The following GGT7 variants were observed in gnomAD, a reference collection of about 807,000 sequenced individuals.
GGT7 encodes glutathione hydrolase 7.
A neutral mutation model predicts 69.2 loss-of-function variants in GGT7; 30 were observed. That is an observed-to-expected ratio of 0.43 (90% CI 0.32 to 0.59). The LOEUF is 0.59. Ranked by LOEUF, GGT7 falls within the 20% of genes least tolerant of loss-of-function variation. The pLI, the probability that GGT7 is intolerant of heterozygous loss-of-function variation, is 0.05. For synonymous variants in GGT7, 388 were observed against 391.8 expected (o/e 0.99, Z 0.12); for missense variants, 733 against 901.1 (o/e 0.81, Z 2.39).
intron 3 of GGT7, among the ~76,000 whole-genome samples, chr20:34,862,583 T>C (rs1457604221): frequency 7.9e-6 from 1 of 126,868 alleles, no homozygotes; most frequent in Non-Finnish European, 1.7e-5. Context: ...TTTTTCTAGT[T>C]AAAAAAAAAA....
intron 1 of GGT7, among the ~76,000 whole-genome samples, chr20:34,866,776 T>C (rs1194888391): frequency 6.6e-6 from 1 of 152,172 alleles, no homozygotes; most frequent in Non-Finnish European, 1.5e-5. Flanking sequence ...AGGCAGGGTC[T>C]CACCATGTTG....
At chr20:34,864,286 T>A (rs1362550801) in intron 1 of GGT7, among the ~76,000 whole-genome samples, 1 of 151,736 alleles carries the variant, frequency 6.6e-6, no homozygotes, top group South Asian at 2.1e-4. Context: ...AGTATGTGTG[T>A]GGAATGTTCT....
chr20:34,866,282 T>C (rs2079688926), intron 1 of GGT7, among the ~76,000 whole-genome samples: 1 of 152,218 alleles, frequency 6.6e-6, no homozygotes, highest in Non-Finnish European at 1.5e-5. Flanking sequence ...CTATTTCCTT[T>C]TTAGAAATCA....
chr20:34,852,003 C>T (rs2079401853), intron 12 of GGT7, 152 bp downstream of exon 12: 2 of 648,890 alleles, frequency 3.1e-6, no homozygotes, highest in East Asian at 2.7e-5. Context: ...ATGTCCCAGA[C>T]TTAGCAGGGC....
intron 14 of GGT7, among the ~76,000 whole-genome samples, chr20:34,846,098 AAGGG>A (rs1275447461): frequency 1.3e-5 from 2 of 149,184 alleles, no homozygotes; most frequent in South Asian, 2.2e-4. Context: ...GGAAGGAAGG[AAGGG>A]AGGGAGGGAG....
chr20:34,872,823 C>A lies in GGT7; in HGVS notation c.-8G>T, dbSNP rs754902278. On this transcript the variant is annotated 5_prime_UTR_variant, in exon 1 of 15. Coordinates refer to ENST00000336431, the MANE Select transcript of GGT7 (RefSeq NM_178026.3). ...CTCGTTCTCCGCCGCCATCCTCGCC[C>A]GCGCCCCCCAGCAGCGCAGCGCCTG... 35 of 1,339,036 alleles carry A rather than the reference C, an allele frequency of 2.6e-5. 1 individual carries two copies. In the South Asian group the frequency reaches 5.8e-4, roughly 22 times the overall value. 82.9% of individuals were successfully genotyped at this position (1,339,036 alleles called of 1,614,324 possible). A position where few individuals can be genotyped will look rare whatever the true frequency, so the allele number is the denominator to read the frequency against.
Position 34,856,843 on chromosome 20 carries a change from G to T in GGT7, c.1065C>A (p.Ser355Arg). Residue 355 changes from serine (S) to arginine (R), a missense_variant, in exon 8 of 15, where the codon AGC becomes AGA. Transcript: ENST00000336431. ...VITEEDFSNY[S>R]ALVEKPVCGV... ...CACACACAGGCTTCTCCACAAGGGC[G>T]CTGTAATTGCTGAAGTCCTCTTCGG... 2 of 1,611,468 alleles carry T rather than the reference G, an allele frequency of 1.2e-6. No individual in the cohort carries two copies. The highest frequency in any genetic ancestry group is 2.2e-5 in the East Asian group (1 of 44,840).
intron 8 of GGT7, among the ~76,000 whole-genome samples, chr20:34,855,455 T>C (rs1308395721): frequency 6.6e-6 from 1 of 152,222 alleles, no homozygotes; most frequent in Admixed American, 6.5e-5. Context: ...CTGTGGCTAC[T>C]GTTATCACAC....
Position 34,845,126 on chromosome 20 carries a change from A to ACCCCCC in GGT7, c.*201_*202insGGGGGG. 1 of 359,886 alleles carries ACCCCCC rather than the reference A, an allele frequency of 2.8e-6. No homozygotes were observed. Among genetic ancestry groups the ACCCCCC allele is most frequent in the Non-Finnish European group, 5.3e-6 (1 of 190,246 alleles). 22.3% of individuals were successfully genotyped at this position (359,886 alleles called of 1,614,324 possible). ...GATGCTGACACTCACCACCACCACCACCACCACCACCACCACCACCACCAC... is the reference window on the plus strand; with the variant it reads ...GATGCTGACACTCACCACCACCACCACCCCCCCCACCACCACCACCACCACCACCAC... On this transcript the variant is annotated 3_prime_UTR_variant, in exon 15 of 15. Transcript: ENST00000336431.
intron 1 of GGT7, among the ~76,000 whole-genome samples, chr20:34,870,476 T>G (rs189513527): frequency 7.2e-5 from 11 of 151,974 alleles, no homozygotes; most frequent in Non-Finnish European, 1.2e-4. Context: ...GAGATGAGGG[T>G]TTTTTTTGTT....
chr20:34,863,626 C>A lies in GGT7; in HGVS notation c.170-78G>T. On this transcript the variant is annotated intron_variant, in intron 1 of 14. Coordinates refer to ENST00000336431, the MANE Select transcript of GGT7 (RefSeq NM_178026.3). This position sits in a 1 kb window ranked among gnomAD's most constrained non-coding sequence, Gnocchi z 4.4. ...ACCCTCCAGGTGGGACTATTCAGCG[C>A]TTTCCCTGCCCCGCCCCTGCCACAC... 3 of 948,448 alleles carry A rather than the reference C, an allele frequency of 3.2e-6. No homozygotes were observed. Among genetic ancestry groups the A allele is most frequent in the South Asian group, 2.8e-5 (2 of 71,662 alleles). 58.8% of individuals were successfully genotyped at this position (948,448 alleles called of 1,614,324 possible). A position where few individuals can be genotyped will look rare whatever the true frequency, so the allele number is the denominator to read the frequency against.
chr20:34,849,531 C>T (rs1441033451), intron 14 of GGT7, among the ~76,000 whole-genome samples: 1 of 151,998 alleles, frequency 6.6e-6, no homozygotes, highest in Non-Finnish European at 1.5e-5. Flanking sequence ...TCATTGAGTC[C>T]GTCCTATTAT....
intron 1 of GGT7, among the ~76,000 whole-genome samples, chr20:34,871,352 T>A (rs1050962036): frequency 7.9e-5 from 12 of 152,088 alleles, no homozygotes; most frequent in Non-Finnish European, 1.5e-4. Context: ...AGGGCTGTAT[T>A]AGGACCAGAA....
At chr20:34,865,802 T>C (rs978846176) in intron 1 of GGT7, among the ~76,000 whole-genome samples, 5 of 152,212 alleles carry the variant, frequency 3.3e-5, no homozygotes, top group Non-Finnish European at 7.3e-5. Flanking sequence ...CTCCTCTGAG[T>C]GTTATTAGCT....
Sources: gnomAD v4.1 joint callset for allele counts (sites outside exome capture counted in the v4.1 genomes callset) on GRCh38, gnomAD v4.1.1 for gene constraint, Gnocchi (gnomAD v3.1) non-coding constraint, MANE v1.5 for transcripts, NCBI Gene and HGNC (gene_info 2026-07-23, HGNC 2026-07-21) for gene names.